The following SPINK5 variants were observed in gnomAD, a reference collection of about 807,000 sequenced individuals.
SPINK5 encodes the protein serine protease inhibitor Kazal-type 5.
SPINK5 carries 125 observed loss-of-function variants against 151.8 expected under a neutral mutation model. The ratio of observed to expected loss-of-function variants is 0.82; its 90% CI spans 0.71 to 0.96. The LOEUF (loss-of-function observed/expected upper bound fraction) is 0.96. Ranked by LOEUF, SPINK5 falls within the 40% of genes least tolerant of loss-of-function variation. The probability of loss-of-function intolerance (pLI) is 0.00; values close to 1 mark genes in which losing one functional copy is unlikely to be tolerated. For missense variants in SPINK5, 1,194 were observed against 1,291.9 expected (o/e 0.92, Z 1.16); for synonymous variants, 374 against 395.3 (o/e 0.95, Z 0.64).
chr5:148,111,655 A>C, intron 18 of SPINK5, 113 bp from the exon 19 acceptor site: 1 of 1,522,062 alleles, frequency 6.6e-7, no homozygotes, highest in Non-Finnish European at 9.0e-7. Context: ...AACCTTCAGC[A>C]TCACCTTTTC....
At chr5:148,117,088 AAC>A (rs1258436769) in intron 22 of SPINK5, among the ~76,000 whole-genome samples, 1 of 152,228 alleles carries the variant, frequency 6.6e-6, no homozygotes, top group Non-Finnish European at 1.5e-5. Context: ...TGGGTCTCTG[AAC>A]ACAGTTTCAT....
intron 14 of SPINK5, 85 bp from the exon 15 acceptor site, chr5:148,101,696 A>G: frequency 6.3e-7 from 1 of 1,598,992 alleles, no homozygotes; most frequent in Non-Finnish European, 8.6e-7. Flanking sequence ...TCCTCGTTTA[A>G]GAAAAAAAGT....
Position 148,137,154 on chromosome 5 carries a change from C to A in SPINK5, c.*163C>A. 1 of 887,178 alleles carries A rather than the reference C, an allele frequency of 1.1e-6. No homozygotes were observed. The highest frequency in any genetic ancestry group is 1.8e-6 in the Non-Finnish European group (1 of 549,508). The allele number at this position is 887,178 out of a possible 1,614,324, so 55.0% of individuals were successfully genotyped here. On this transcript the variant is annotated 3_prime_UTR_variant, in exon 33 of 33. Coordinates refer to ENST00000256084, the MANE Select transcript of SPINK5 (RefSeq NM_006846.4). ...GGACTCACTGATTTTCAGTCTTTTCCATCTCTTTCCTCCTAGACTCTGTGA... is the reference window on the plus strand; with the variant it reads ...GGACTCACTGATTTTCAGTCTTTTCAATCTCTTTCCTCCTAGACTCTGTGA...
chr5:148,117,619 A>G (rs1213623601), intron 22 of SPINK5, among the ~76,000 whole-genome samples: 1 of 152,236 alleles, frequency 6.6e-6, no homozygotes, highest in African/African-American at 2.4e-5. Context: ...TGGGCTATAC[A>G]ATTGAACCTT....
rs777776015 is a variant in SPINK5, at chr5:148,089,625, A to C, written c.602+4A>C. ...GTGCAATGTGTGCTGAGCTGTTGTA[A>C]GTAGCATCATCCCCAGGTGGACTTG... On this transcript the variant is annotated splice_donor_region_variant and intron_variant, in intron 7 of 32. Coordinates refer to ENST00000256084, the MANE Select transcript of SPINK5 (RefSeq NM_006846.4). 1 of 1,611,782 alleles carries C rather than the reference A, an allele frequency of 6.2e-7. No homozygotes were observed.
chr5:148,073,591 A>G (rs911279475), intron 4 of SPINK5, among the ~76,000 whole-genome samples: 4 of 151,768 alleles, frequency 2.6e-5, no homozygotes, highest in African/African-American at 9.7e-5. Flanking sequence ...TAAAAAAATG[A>G]TATATCTATA....
chr5:148,101,744 T>G lies in SPINK5; in HGVS notation c.1303-37T>G, dbSNP rs532623500. On this transcript the variant is annotated intron_variant, in intron 14 of 32. Coordinates refer to ENST00000256084, the MANE Select transcript of SPINK5 (RefSeq NM_006846.4). The stretch of plus-strand genomic sequence containing the variant: ...TATTTTTGCAATCTGATTCAGCCTA[T>G]GTTCAACACTTTCAACTTCCTGCCT... 7.9e-5 allele frequency: 128 copies of G among 1,613,522 alleles called. No homozygotes were observed. The South Asian group carries it at 1.3e-3, about 16-fold the overall frequency.
intron 10 of SPINK5, among the ~76,000 whole-genome samples, chr5:148,096,120 A>G (rs1409268238): frequency 6.6e-6 from 1 of 151,992 alleles, no homozygotes; most frequent in Admixed American, 6.6e-5. Flanking sequence ...TATGGAGGCA[A>G]TTAATCAAGT....
chr5:148,116,566 T>C, intron 22 of SPINK5, 100 bp downstream of exon 22: 1 of 1,188,970 alleles, frequency 8.4e-7, no homozygotes, highest in Non-Finnish European at 1.3e-6. Context: ...CAGTGCTAAG[T>C]CCTTGAGAGA....
At chr5:148,091,029 G>A (rs72660254) in intron 7 of SPINK5, 136 bp from the exon 8 acceptor site, 10 of 730,690 alleles carry the variant, frequency 1.4e-5, no homozygotes, top group South Asian at 5.1e-5. Flanking sequence ...CATTGAAGAC[G>A]GAAATGCTTG....
intron 11 of SPINK5, 141 bp from the exon 12 acceptor site, chr5:148,099,093 T>C: frequency 1.5e-6 from 1 of 688,058 alleles, no homozygotes; most frequent in Middle Eastern, 2.5e-4. Flanking sequence ...GATATTTTGT[T>C]GCTTCTCATT....
intron 13 of SPINK5, among the ~76,000 whole-genome samples, chr5:148,101,136 A>G (rs976872840): frequency 2.0e-5 from 3 of 152,110 alleles, no homozygotes; most frequent in Non-Finnish European, 4.4e-5. Context: ...TCTTCAGGTG[A>G]GTTATGCATT....
intron 5 of SPINK5, among the ~76,000 whole-genome samples, chr5:148,088,271 G>A (rs553069400): frequency 6.6e-6 from 1 of 151,858 alleles, no homozygotes; most frequent in South Asian, 2.1e-4. Context: ...ATCTTCTGAT[G>A]TGGATCCCTC....
chr5:148,123,441 C>CTATATATATA (rs1416361269), intron 26 of SPINK5, among the ~76,000 whole-genome samples: 90 of 65,402 alleles, frequency 1.4e-3, no homozygotes, highest in African/African-American at 3.3e-3. Flanking sequence ...TATTATCTAT[C>CTATATATATA]TATCTATATA....
chr5:148,110,976 C>A (rs1164603382), intron 18 of SPINK5, among the ~76,000 whole-genome samples: 1 of 151,772 alleles, frequency 6.6e-6, no homozygotes, highest in Non-Finnish European at 1.5e-5. Flanking sequence ...TAAAATAAAA[C>A]AAAATAAAAT....
intron 2 of SPINK5, among the ~76,000 whole-genome samples, chr5:148,066,895 CAAAG>C (rs1752601205): frequency 6.6e-6 from 1 of 152,040 alleles, no homozygotes; most frequent in Non-Finnish European, 1.5e-5. Context: ...GGCAAGAACA[CAAAG>C]AAGTAATTAT....
At chr5:148,075,165 A>G (rs1271886075) in intron 4 of SPINK5, among the ~76,000 whole-genome samples, 3 of 151,770 alleles carry the variant, frequency 2.0e-5, no homozygotes, top group African/African-American at 4.8e-5. Flanking sequence ...TTGTCTCTTC[A>G]TATTAAAGGG....
rs1328019967 is a variant in SPINK5 at position 148,123,511 on chromosome 5, CAATATATGTGTATA to C, written c.2539-321_2539-308del. 2.6e-4 allele frequency among the ~76,000 whole-genome samples: 14 copies of C among 53,438 alleles called. 2 individuals carry two copies. The highest frequency in any genetic ancestry group is 1.8e-3 in the East Asian group (5 of 2,822). 35.1% of individuals were successfully genotyped at this position (53,438 alleles called of 152,430 possible). On this transcript the variant is annotated intron_variant, in intron 26 of 32. Coordinates refer to ENST00000256084, the MANE Select transcript of SPINK5 (RefSeq NM_006846.4). The stretch of plus-strand genomic sequence containing the variant: ...TTGTCCAGCCTGGAGTGCAGTGGTG[CAATATATGTGTATA>C]TATATATATATATATATATATATAT...
intron 26 of SPINK5, among the ~76,000 whole-genome samples, chr5:148,122,627 C>T (rs1754299855): frequency 6.6e-6 from 1 of 152,186 alleles, no homozygotes; most frequent in East Asian, 1.9e-4. Context: ...AAGGCAGCTC[C>T]ATATACTTAT....
Sources: gnomAD v4.1 joint callset for allele counts (sites outside exome capture counted in the v4.1 genomes callset) on GRCh38, gnomAD v4.1.1 for gene constraint, MANE v1.5 for transcripts, NCBI Gene and HGNC (gene_info 2026-07-23, HGNC 2026-07-21) for gene names.